Variants in C4orf50 observed in about 807,000 individuals in gnomAD.
C4orf50 encodes uncharacterized protein C4orf50.
A neutral mutation model predicts 77.2 loss-of-function variants in C4orf50; 80 were observed. That is an observed-to-expected ratio of 1.04 (90% CI 0.87 to 1.25). The LOEUF (loss-of-function observed/expected upper bound fraction) is 1.25. C4orf50 is among the 50% of genes most tolerant of loss of function. The pLI is 0.00. For synonymous variants in C4orf50, 532 were observed against 465.3 expected (o/e 1.14, Z -1.84); for missense variants, 1,257 against 1,152.9 (o/e 1.09, Z -1.31).
At chr4:5,925,315 C>A (rs1185237166) in intron 7 of C4orf50, among the ~76,000 whole-genome samples, 1 of 152,078 alleles carries the variant, frequency 6.6e-6, no homozygotes, top group African/African-American at 2.4e-5. Flanking sequence ...GTTGGGGGAC[C>A]CCCAGGCCGC....
intron 25 of C4orf50, among the ~76,000 whole-genome samples, chr4:6,003,725 TGGTGATGG>T (rs1721962432): frequency 6.8e-6 from 1 of 146,742 alleles, no homozygotes; most frequent in Non-Finnish European, 1.5e-5. Flanking sequence ...ATGGTGATGA[TGGTGATGG>T]TGATGATAGT....
intron 7 of C4orf50, among the ~76,000 whole-genome samples, chr4:5,913,381 T>C (rs1716893214): frequency 6.6e-6 from 1 of 151,924 alleles, no homozygotes; most frequent in Non-Finnish European, 1.5e-5. Context: ...GCAATGACTA[T>C]TCTGGGAACA....
chr4:5,908,006 CT>C lies in C4orf50; in HGVS notation c.*2475-9819del, dbSNP rs1029985545. Among the ~76,000 whole-genome samples the C allele has an allele frequency of 3.9e-5, 6 of 152,118 alleles. No homozygotes were observed. The highest frequency in any genetic ancestry group is 1.4e-4 in the African/African-American group (6 of 41,438). On this transcript the variant is annotated intron_variant, in intron 7 of 7. Transcript: ENST00000324058. This position sits in a 1 kb window ranked among gnomAD's most constrained non-coding sequence, Gnocchi z 5.6. ...TATTTCAGTTGAAGGTAAAGAAGGA[CT>C]TTTTAACAAAAAGAGCTGACCATTC...
Position 6,018,101 on chromosome 4 carries a change from C to T in C4orf50, c.287+44G>A, listed in dbSNP as rs111555778. On this transcript the variant is annotated intron_variant, in intron 23 of 33. Transcript: ENST00000531445. This position sits in a 1 kb window ranked among gnomAD's most constrained non-coding sequence, Gnocchi z 5.1. Reference sequence around the variant, plus strand: ...ATGGTGACACACTCTGATGGCCCCGCGGTTTGTGAAATACACACAGAGAGA... The same window carrying T: ...ATGGTGACACACTCTGATGGCCCCGTGGTTTGTGAAATACACACAGAGAGA... 1.5e-5 allele frequency: 6 copies of T among 398,160 alleles called. No homozygotes were observed. Among genetic ancestry groups the T allele is most frequent in the African/African-American group, 8.2e-5 (4 of 48,748 alleles). 24.7% of individuals were successfully genotyped at this position (398,160 alleles called of 1,614,324 possible).
At chr4:5,960,657 C>G (rs971009656) in intron 33 of C4orf50, among the ~76,000 whole-genome samples, 1 of 152,044 alleles carries the variant, frequency 6.6e-6, no homozygotes, top group Admixed American at 6.6e-5. Context: ...GGTTCAAGCC[C>G]GAAGAGAGAC....
At chr4:5,997,834 C>A (rs1721663243) in intron 25 of C4orf50, among the ~76,000 whole-genome samples, 1 of 152,148 alleles carries the variant, frequency 6.6e-6, no homozygotes, top group African/African-American at 2.4e-5. Flanking sequence ...ATAGAAGGAT[C>A]ATTTCTCTAC....
chr4:5,971,799 T>C (rs1446202981), intron 31 of C4orf50, among the ~76,000 whole-genome samples: 2 of 152,186 alleles, frequency 1.3e-5, no homozygotes, highest in African/African-American at 4.8e-5. Context: ...GTATACATCA[T>C]TCTCTGTAAG....
chr4:5,900,249 G>T lies in C4orf50; in HGVS notation c.*2475-2061C>A, dbSNP rs531171962. On this transcript the variant is annotated intron_variant, in intron 7 of 7. Coordinates refer to the C4orf50 transcript ENST00000324058. The surrounding 1 kb of genome is among the most constrained non-coding windows in gnomAD (Gnocchi z 4.3). ...ATTGCTGAGTAAAACAAATAGAAAG[G>T]ACCCCAGCTGTAAAAGGACTTGCGT... 7.9e-5 allele frequency: 12 copies of T among 152,020 alleles called. No individual in the cohort carries two copies. Among genetic ancestry groups the T allele is most frequent in the African/African-American group, 2.9e-4 (12 of 41,486 alleles). 9.4% of individuals were successfully genotyped at this position (152,020 alleles called of 1,614,324 possible). A position where few individuals can be genotyped will look rare whatever the true frequency, so the allele number is the denominator to read the frequency against.
chr4:5,973,728 C>A (rs114112017), exon 31 of C4orf50: 3 of 1,613,986 alleles, frequency 1.9e-6, no homozygotes, highest in Admixed American at 1.7e-5. Context: ...GCATGTTCTG[C>A]GCCAGCTCGG....
At chr4:5,988,510 G>A (rs1346298222) in exon 28 of C4orf50, 1 of 1,539,922 alleles carries the variant, frequency 6.5e-7, no homozygotes, top group Admixed American at 2.0e-5. Context: ...CGATGGAGGG[G>A]GAGAATCAGC....
chr4:5,971,009 G>A (rs1195572422), intron 31 of C4orf50, among the ~76,000 whole-genome samples: 2 of 152,170 alleles, frequency 1.3e-5, no homozygotes, highest in Non-Finnish European at 2.9e-5. Flanking sequence ...CAAAGGCAGG[G>A]GCCAGAGAAT....
At chr4:5,982,299 T>A (rs1411082384) in intron 28 of C4orf50, among the ~76,000 whole-genome samples, 1 of 151,654 alleles carries the variant, frequency 6.6e-6, no homozygotes, top group Non-Finnish European at 1.5e-5. Context: ...GGCTGTGCGG[T>A]GGGGGGTGGG....
exon 28 of C4orf50, chr4:5,989,093 C>G (rs558881953): frequency 6.5e-7 from 1 of 1,536,102 alleles, no homozygotes; most frequent in African/African-American, 1.4e-5. Flanking sequence ...TGAGAGATGT[C>G]CCCTACCAGC....
intron 32 of C4orf50, among the ~76,000 whole-genome samples, chr4:5,966,080 A>G (rs1468333774): frequency 6.6e-6 from 1 of 152,364 alleles, no homozygotes; most frequent in East Asian, 1.9e-4. Flanking sequence ...ACAAGGCCCA[A>G]TCAAATACCA....
At chr4:5,948,610 C>T (rs375883187) in intron 7 of C4orf50, among the ~76,000 whole-genome samples, 37 of 152,266 alleles carry the variant, frequency 2.4e-4, no homozygotes, top group African/African-American at 7.5e-4. Flanking sequence ...TCCTGGCCAA[C>T]ATAGTGAAAT....
At chr4:5,944,487 G>C (rs978150752) in intron 7 of C4orf50, among the ~76,000 whole-genome samples, 3 of 152,198 alleles carry the variant, frequency 2.0e-5, no homozygotes, top group African/African-American at 4.8e-5. Flanking sequence ...GAGTGAGCGA[G>C]GGGGCAGCCC....
chr4:5,922,392 G>C (rs1440502937), intron 7 of C4orf50, among the ~76,000 whole-genome samples: 1 of 152,168 alleles, frequency 6.6e-6, no homozygotes, highest in Non-Finnish European at 1.5e-5. Context: ...ACTCATACCT[G>C]GCCCTCTACT....
chr4:5,981,965 G>A (rs1359071953), intron 28 of C4orf50, among the ~76,000 whole-genome samples: 1 of 152,098 alleles, frequency 6.6e-6, no homozygotes, highest in Non-Finnish European at 1.5e-5. Flanking sequence ...AAAGAGACGA[G>A]GGAGAAGAGG....
At chr4:5,961,266 G>A (rs975167279) in intron 33 of C4orf50, among the ~76,000 whole-genome samples, 5 of 152,218 alleles carry the variant, frequency 3.3e-5, no homozygotes, top group Non-Finnish European at 7.3e-5. Context: ...AGTGAGCCGA[G>A]ATCGTGCCTC....
Sources: allele counts gnomAD v4.1 joint callset (sites outside exome capture counted in the v4.1 genomes callset), GRCh38; gene constraint gnomAD v4.1.1; non-coding constraint Gnocchi (gnomAD v3.1); transcripts MANE v1.5; gene names NCBI Gene and HGNC (gene_info 2026-07-23, HGNC 2026-07-21).